The following MYH13 variants were observed in gnomAD, a reference collection of about 807,000 sequenced individuals.
MYH13 encodes myosin heavy chain 13.
In MYH13, 177 loss-of-function variants were observed where a neutral mutation model predicts 232.1. The observed-to-expected ratio is 0.76, with a 90% CI of 0.67 to 0.86. The LOEUF is 0.86. Ranked by LOEUF, MYH13 falls within the 40% of genes least tolerant of loss-of-function variation. MYH13 has a pLI of 0.00. For synonymous variants in MYH13, 884 were observed against 923.5 expected, an observed-to-expected ratio of 0.96 and a Z score of 0.78; for missense variants, 2,246 against 2,405.9, an observed-to-expected ratio of 0.93 and a Z score of 1.39.
chr17:10,319,508 C>A (rs925798939), intron 26 of MYH13, among the ~76,000 whole-genome samples: 86 of 61,458 alleles, frequency 1.4e-3, no homozygotes, highest in South Asian at 3.5e-3. Context: ...GACTCGGTCT[C>A]AAAAAAAAAA....
chr17:10,345,177 G>A (rs369812600), intron 15 of MYH13, 25 bp downstream of exon 15: 14 of 1,613,910 alleles, frequency 8.7e-6, no homozygotes, highest in Non-Finnish European at 1.2e-5. Flanking sequence ...AGGAGGAGCT[G>A]TCCCAGGCAG....
intron 16 of MYH13, among the ~76,000 whole-genome samples, chr17:10,340,699 A>G (rs2071614036): frequency 6.6e-6 from 1 of 151,864 alleles, no homozygotes; most frequent in Non-Finnish European, 1.5e-5. Context: ...TTGTATTTTT[A>G]GTAGAGATGA....
intron 22 of MYH13, chr17:10,324,767 T>TTTTTTG (rs1329029680): frequency 2.7e-5 from 4 of 148,092 alleles, no homozygotes; most frequent in African/African-American, 7.5e-5. Flanking sequence ...TTTTTTTTTT[T>TTTTTTG]TTTTTTTTTT....
chr17:10,364,668 G>C, intron 2 of MYH13, 126 bp from the exon 3 acceptor site: 1 of 752,286 alleles, frequency 1.3e-6, no homozygotes, highest in Non-Finnish European at 2.2e-6. Flanking sequence ...TAGGTCCTGA[G>C]GGATCTATGG....
chr17:10,311,015 C>T (rs1906490974), intron 33 of MYH13, 88 bp downstream of exon 33: 2 of 1,529,476 alleles, frequency 1.3e-6, no homozygotes, highest in Admixed American at 3.9e-5. Flanking sequence ...GGTCTCCTGG[C>T]AGGAAAGGCC....
intron 1 of MYH13, among the ~76,000 whole-genome samples, chr17:10,372,209 A>C (rs1597392452): frequency 6.6e-6 from 1 of 152,332 alleles, no homozygotes; most frequent in South Asian, 2.1e-4. Flanking sequence ...CAATTTAAAA[A>C]AATATGGAGG....
chr17:10,348,807 A>G (rs1289772914), intron 12 of MYH13, among the ~76,000 whole-genome samples: 1 of 152,046 alleles, frequency 6.6e-6, no homozygotes, highest in African/African-American at 2.4e-5. Context: ...GTGGCCTGCC[A>G]TATATTCTAA....
intron 22 of MYH13, among the ~76,000 whole-genome samples, chr17:10,324,469 G>T (rs1395466548): frequency 6.6e-6 from 1 of 152,074 alleles, no homozygotes; most frequent in Admixed American, 6.6e-5. Context: ...CTTTTTAGAT[G>T]GAGTTTCTCT....
chr17:10,323,458 C>T (rs116850532), intron 23 of MYH13, among the ~76,000 whole-genome samples: 157 of 151,920 alleles, frequency 1.0e-3, no homozygotes, highest in Non-Finnish European at 1.4e-3. Context: ...GTGATACAGC[C>T]AGGGAGGGTT....
chr17:10,322,895 A>C (rs1228212218), intron 23 of MYH13, among the ~76,000 whole-genome samples: 3 of 152,116 alleles, frequency 2.0e-5, no homozygotes, highest in Non-Finnish European at 4.4e-5. Context: ...GGCCTCCCAA[A>C]GTGCTGGGAT....
chr17:10,371,366 T>A (rs1300543433), intron 1 of MYH13, 107 bp from the exon 2 acceptor site: 1 of 152,202 alleles, frequency 6.6e-6, no homozygotes, highest in Non-Finnish European at 1.5e-5. Context: ...CTACCTTAAA[T>A]AGATACACAG....
chr17:10,327,719 C>CAAA (rs1597379656), intron 22 of MYH13, 147 bp downstream of exon 22: 1 of 980,442 alleles, frequency 1.0e-6, no homozygotes, highest in East Asian at 2.7e-5. Flanking sequence ...CATCCTTTTA[C>CAAA]GAGCAAGGTG....
At position 10,350,556 on chromosome 17, in the gene MYH13, C is replaced by T. The variant is rs530116625; in HGVS notation, c.1144G>A (p.Val382Met). The change falls in exon 12 of 41, where the codon GTG (valine) becomes ATG (methionine). Residue 382 changes from valine (V) to methionine (M), a missense_variant and splice_region_variant. Transcript: ENST00000252172. ...EEQAEPDGTEVADKAGYLMGL... is the reference protein window; with the variant it reads ...EEQAEPDGTEMADKAGYLMGL... Reference sequence around the variant, plus strand: ...GCATCCCTTTCCCAGATGCAGTTACCTTCGGTGCCGTCTGGCTCCGCCTGC... The same window carrying T: ...GCATCCCTTTCCCAGATGCAGTTACTTTCGGTGCCGTCTGGCTCCGCCTGC... 6.2e-7 allele frequency: 1 copy of T among 1,612,044 alleles called. No homozygotes were observed. Among genetic ancestry groups the T allele is most frequent in the Non-Finnish European group, 8.5e-7 (1 of 1,179,604 alleles).
At chr17:10,332,338 C>CAGCT in intron 19 of MYH13, 116 bp from the exon 20 acceptor site, 1 of 1,360,638 alleles carries the variant, frequency 7.3e-7, no homozygotes, top group Non-Finnish European at 1.0e-6. Flanking sequence ...GAATACTGTA[C>CAGCT]AGCTGGTCTG....
At chr17:10,348,698 T>C (rs2071686257) in intron 12 of MYH13, among the ~76,000 whole-genome samples, 2 of 152,114 alleles carry the variant, frequency 1.3e-5, no homozygotes, top group Non-Finnish European at 2.9e-5. Context: ...TCTTTTTTTT[T>C]TCTTCTCAAG....
chr17:10,332,261 C>G, intron 19 of MYH13, 39 bp from the exon 20 acceptor site: 11 of 1,609,898 alleles, frequency 6.8e-6, no homozygotes, highest in Non-Finnish European at 9.4e-6. Context: ...ATTCCAATCC[C>G]CGAAAGGCTT....
At chr17:10,310,063 C>T (rs1250215230) in intron 33 of MYH13, among the ~76,000 whole-genome samples, 1 of 150,600 alleles carries the variant, frequency 6.6e-6, no homozygotes, top group Non-Finnish European at 1.5e-5. Context: ...CAGGTGTGAG[C>T]CATGGTGCCC....
intron 22 of MYH13, among the ~76,000 whole-genome samples, 189 bp downstream of exon 22, chr17:10,327,677 G>T (rs917584018): frequency 6.6e-6 from 1 of 152,040 alleles, no homozygotes; most frequent in African/African-American, 2.4e-5. Context: ...ATAATTTCCG[G>T]CATTCACTGC....
chr17:10,309,237 G>T lies in MYH13; in HGVS notation c.5166C>A (p.Ser1722=). Residue 1722 remains serine (S), a synonymous_variant, in exon 35 of 41, where the codon TCC becomes TCA. Coordinates refer to ENST00000252172, the MANE Select transcript of MYH13 (RefSeq NM_003802.3). ...GGAGGAGTGAGGGCCGACGCACCTG[G>T]GAGTGCAGGAGCTGCACGCGGTCGC... ...DASDRVQLLH[S]QNTSLINTKK... 1 of 1,612,958 alleles carries T rather than the reference G, an allele frequency of 6.2e-7. No individual in the cohort carries two copies. The highest frequency in any genetic ancestry group is 1.3e-5 in the African/African-American group (1 of 75,060).
Sources: allele counts gnomAD v4.1 joint callset (sites outside exome capture counted in the v4.1 genomes callset), GRCh38; gene constraint gnomAD v4.1.1; transcripts MANE v1.5; gene names NCBI Gene and HGNC (gene_info 2026-07-23, HGNC 2026-07-21).